Variants in PTPRM observed in about 807,000 individuals in gnomAD.
PTPRM encodes the protein protein tyrosine phosphatase receptor type M.
In PTPRM, 47 loss-of-function variants were observed where a neutral mutation model predicts 186.7. That is an observed-to-expected ratio of 0.25 (90% CI 0.20 to 0.32). PTPRM has a LOEUF of 0.32. Ranked by LOEUF, PTPRM falls within the 10% of genes least tolerant of loss-of-function variation. The pLI is 1.00. For synonymous variants in PTPRM, 668 were observed against 674.9 expected, an observed-to-expected ratio of 0.99 and a Z score of 0.16; for missense variants, 1,494 against 1,865.0, an observed-to-expected ratio of 0.80 and a Z score of 3.66.
chr18:7,915,889 T>C (rs1041541668), intron 4 of PTPRM, among the ~76,000 whole-genome samples: 5 of 152,194 alleles, frequency 3.3e-5, no homozygotes, highest in Non-Finnish European at 7.4e-5. Flanking sequence ...GAAGATTATA[T>C]AAGCCTTTAA....
chr18:7,583,972 A>G (rs2036911466), intron 1 of PTPRM, among the ~76,000 whole-genome samples: 1 of 152,238 alleles, frequency 6.6e-6, no homozygotes, highest in African/African-American at 2.4e-5. Flanking sequence ...GAGGCTTGAC[A>G]AAGTAAAGAA....
chr18:7,620,535 G>A (rs1184269042), intron 1 of PTPRM, among the ~76,000 whole-genome samples: 3 of 152,144 alleles, frequency 2.0e-5, no homozygotes, highest in East Asian at 3.9e-4. Context: ...AGAGCTGGGC[G>A]GCTGGGGAAT....
Position 8,033,212 on chromosome 18 carries a change from A to C in PTPRM, c.1133-36474A>C, listed in dbSNP as rs539384200. ...TGAATACTATAATATAAAACTGGGC[A>C]AAGGATTATAACAGGCAATTTGTGA... On this transcript the variant is annotated intron_variant, in intron 7 of 32. Coordinates refer to ENST00000580170, the MANE Select transcript of PTPRM (RefSeq NM_001105244.2). 2.0e-5 allele frequency among the ~76,000 whole-genome samples: 3 copies of C among 152,326 alleles called. No homozygotes were observed. The East Asian group carries it at 5.8e-4, about 29-fold the overall frequency.
intron 1 of PTPRM, among the ~76,000 whole-genome samples, chr18:7,751,947 T>C (rs1437242881): frequency 6.6e-6 from 1 of 152,212 alleles, no homozygotes; most frequent in Non-Finnish European, 1.5e-5. Flanking sequence ...CAATGTGAAG[T>C]GCAAGTTTGA....
chr18:8,185,044 G>A (rs1392140357), intron 14 of PTPRM, among the ~76,000 whole-genome samples: 2 of 152,042 alleles, frequency 1.3e-5, no homozygotes, highest in Non-Finnish European at 2.9e-5. Context: ...GTTAGTTGCT[G>A]TAGTTTTGAG....
intron 24 of PTPRM, among the ~76,000 whole-genome samples, chr18:8,373,098 C>T (rs1394130510): frequency 1.3e-5 from 2 of 152,118 alleles, no homozygotes; most frequent in Non-Finnish European, 2.9e-5. Context: ...TTGGGGAAAT[C>T]AAAATGACAC....
intron 1 of PTPRM, among the ~76,000 whole-genome samples, chr18:7,773,252 C>T (rs1324647994): frequency 6.6e-6 from 1 of 152,052 alleles, no homozygotes; most frequent in Non-Finnish European, 1.5e-5. Context: ...TTTGAGACCT[C>T]ATATCTCCAA....
intron 2 of PTPRM, among the ~76,000 whole-genome samples, chr18:7,816,424 A>G (rs1568171137): frequency 1.3e-5 from 2 of 152,206 alleles, no homozygotes; most frequent in Non-Finnish European, 2.9e-5. Context: ...AGCTTTTAAG[A>G]ATTGTAAGTT....
intron 20 of PTPRM, among the ~76,000 whole-genome samples, chr18:8,310,700 A>G (rs2095261520): frequency 6.6e-6 from 1 of 152,022 alleles, no homozygotes; most frequent in Non-Finnish European, 1.5e-5. Context: ...TCAAAATTGT[A>G]TTTAAGTCAT....
chr18:8,036,905 T>A (rs916169931), intron 7 of PTPRM, among the ~76,000 whole-genome samples: 4 of 152,216 alleles, frequency 2.6e-5, no homozygotes, highest in Admixed American at 6.5e-5. Context: ...CACAGTGGCA[T>A]AAATTTTAAA....
chr18:8,103,903 C>T (rs1219815731), intron 11 of PTPRM, among the ~76,000 whole-genome samples: 1 of 152,158 alleles, frequency 6.6e-6, no homozygotes, highest in Non-Finnish European at 1.5e-5. Context: ...CACTTGAATA[C>T]TTAAAGGCCA....
intron 1 of PTPRM, among the ~76,000 whole-genome samples, chr18:7,620,890 C>T (rs1170608304): frequency 2.6e-5 from 4 of 152,052 alleles, no homozygotes; most frequent in Admixed American, 2.0e-4. Context: ...AATACAGCAA[C>T]AATAAAATAA....
At chr18:7,594,906 T>C (rs1402309555) in intron 1 of PTPRM, among the ~76,000 whole-genome samples, 1 of 152,192 alleles carries the variant, frequency 6.6e-6, no homozygotes, top group Non-Finnish European at 1.5e-5. Flanking sequence ...AAAAAATAGC[T>C]TCTTTTAAAT....
chr18:7,718,215 G>T (rs1280503761), intron 1 of PTPRM, among the ~76,000 whole-genome samples: 1 of 152,082 alleles, frequency 6.6e-6, no homozygotes, highest in Non-Finnish European at 1.5e-5. Context: ...TATAAAAATA[G>T]ACACATAGAA....
At chr18:8,390,006 T>C (rs763191807) in intron 31 of PTPRM, among the ~76,000 whole-genome samples, 1 of 152,264 alleles carries the variant, frequency 6.6e-6, no homozygotes, top group African/African-American at 2.4e-5. Flanking sequence ...TTCACCACTT[T>C]GCAACTCTTG....
Position 8,151,693 on chromosome 18 carries a change from A to G in PTPRM, c.2300+7914A>G, listed in dbSNP as rs1172036395. Among the ~76,000 whole-genome samples the G allele has an allele frequency of 4.8e-3, 420 of 87,652 alleles. 1 individual carries two copies. Among genetic ancestry groups the G allele is most frequent in the African/African-American group, 0.019 (389 of 20,372 alleles). 57.5% of individuals were successfully genotyped at this position (87,652 alleles called of 152,430 possible). A position where few individuals can be genotyped will look rare whatever the true frequency, so the allele number is the denominator to read the frequency against. On this transcript the variant is annotated intron_variant, in intron 14 of 32. Coordinates refer to ENST00000580170, the MANE Select transcript of PTPRM (RefSeq NM_001105244.2). ...CGTTCCAGGAGCCACTGGGGTATGG[A>G]AAAAAAAAAAAAAAAAAAACTCCTG... is the stretch of plus-strand genomic sequence containing the variant.
intron 3 of PTPRM, among the ~76,000 whole-genome samples, chr18:7,895,234 A>G (rs1452896970): frequency 6.6e-6 from 1 of 152,168 alleles, no homozygotes; most frequent in African/African-American, 2.4e-5. Context: ...GATGAAAGGA[A>G]AAGCACATTG....
intron 14 of PTPRM, among the ~76,000 whole-genome samples, chr18:8,165,149 C>T (rs2093301392): frequency 7.3e-6 from 1 of 136,182 alleles, no homozygotes; most frequent in South Asian, 2.3e-4. Context: ...TGCGTGGTGA[C>T]AGAGCAAGAC....
Position 7,984,913 on chromosome 18 carries a change from T to TTATATATACATATATAAATATATACA in PTPRM, c.1132+29517_1132+29542dup, listed in dbSNP as rs1568130593. On this transcript the variant is annotated intron_variant, in intron 7 of 32. Coordinates refer to ENST00000580170, the MANE Select transcript of PTPRM (RefSeq NM_001105244.2). ...TACATATATAAATATATACATATAA[T>TTATATATACATATATAAATATATACA]TATATATACATATATAAATATATAC... is the stretch of plus-strand genomic sequence containing the variant. 1.7e-3 allele frequency among the ~76,000 whole-genome samples: 200 copies of TTATATATACATATATAAATATATACA among 114,762 alleles called. 1 individual carries two copies. Among genetic ancestry groups the TTATATATACATATATAAATATATACA allele is most frequent in the Middle Eastern group, 6.7e-3 (1 of 150 alleles). The allele number at this position is 114,762 out of a possible 152,430, so 75.3% of individuals were successfully genotyped here. A position where few individuals can be genotyped will look rare whatever the true frequency, so the allele number is the denominator to read the frequency against.
Sources: gnomAD v4.1 joint callset for allele counts (sites outside exome capture counted in the v4.1 genomes callset) on GRCh38, gnomAD v4.1.1 for gene constraint, MANE v1.5 for transcripts, NCBI Gene and HGNC (gene_info 2026-07-23, HGNC 2026-07-21) for gene names.